SP3: variants seen among roughly 807,000 people sequenced by gnomAD.
SP3 encodes the protein transcription factor Sp3.
In SP3, 10 loss-of-function variants were observed where a neutral mutation model predicts 70.3. The ratio of observed to expected loss-of-function variants is 0.14; its 90% CI spans 0.09 to 0.24. SP3 has a LOEUF of 0.24. Among genes scored for constraint, SP3 ranks in the 10% least tolerant of loss-of-function variants. The pLI, the probability that SP3 is intolerant of heterozygous loss-of-function variation, is 1.00. For synonymous variants in SP3, 402 were observed against 333.5 expected (o/e 1.21, Z -2.24); for missense variants, 825 against 914.6 (o/e 0.90, Z 1.26).
intron 4 of SP3, among the ~76,000 whole-genome samples, chr2:173,953,781 A>AAC (rs1286731691): frequency 0.02 from 1,483 of 73,542 alleles, 25 homozygotes; most frequent in African/African-American, 0.067. Context: ...AAACAAAACA[A>AAC]AACAAAAAAA....
intron 4 of SP3, among the ~76,000 whole-genome samples, chr2:173,927,930 AAAGT>A (rs1359194502): frequency 1.8e-4 from 27 of 152,276 alleles, no homozygotes; most frequent in African/African-American, 6.3e-4. Flanking sequence ...TTCATTATTA[AAAGT>A]AATTTATGGT....
In SP3 at chr2:173,958,177, G is replaced by C. The variant is rs112386918; in HGVS notation, c.280-1945C>G. ...TATTGAACTTTTATCAAAGAATATA[G>C]TAACTCAGACACAAATTAATTTTAT... On this transcript the variant is annotated intron_variant, in intron 3 of 6. Coordinates refer to ENST00000310015, the MANE Select transcript of SP3 (RefSeq NM_003111.5). Among the ~76,000 whole-genome samples, 165 of 151,036 alleles carry C rather than the reference G, an allele frequency of 1.1e-3. 3 individuals are homozygous for C. The highest frequency in any genetic ancestry group is 3.8e-3 in the African/African-American group (157 of 41,142).
intron 4 of SP3, among the ~76,000 whole-genome samples, chr2:173,945,370 A>G (rs533129620): frequency 6.6e-6 from 1 of 152,334 alleles, no homozygotes; most frequent in African/African-American, 2.4e-5. Flanking sequence ...CAAAGTTTCT[A>G]AATTGTTATA....
intron 4 of SP3, among the ~76,000 whole-genome samples, chr2:173,939,569 G>A (rs1268326009): frequency 1.3e-5 from 2 of 152,014 alleles, no homozygotes; most frequent in East Asian, 1.9e-4. Context: ...TTTGATAACA[G>A]CCTGGCCAAC....
At chr2:173,927,002 C>G (rs540866574) in intron 4 of SP3, among the ~76,000 whole-genome samples, 89 of 152,088 alleles carry the variant, frequency 5.9e-4, no homozygotes, top group Non-Finnish European at 7.4e-4. Flanking sequence ...TCTGGGGAGG[C>G]CTCAGGAAAC....
chr2:173,965,095 C>T lies in SP3; in HGVS notation c.7+70G>A, dbSNP rs1691250588. 40 of 1,541,054 alleles carry T rather than the reference C, an allele frequency of 2.6e-5. No individual in the cohort carries two copies. In the South Asian group the frequency reaches 4.5e-4, roughly 18 times the overall value. The stretch of plus-strand genomic sequence containing the variant: ...GGGCCGAGACCGGCGGCAGCGGCCC[C>T]GGGCTGGCTGTGGTCGGCGGCAGCG... On this transcript the variant is annotated intron_variant, in intron 1 of 6. Coordinates refer to ENST00000310015, the MANE Select transcript of SP3 (RefSeq NM_003111.5).
In SP3 at chr2:173,965,288, C is replaced by T. The variant is rs1691259702; in HGVS notation, c.-117G>A. The T allele has an allele frequency of 4.8e-6, 6 of 1,246,698 alleles. No homozygotes were observed. The highest frequency in any genetic ancestry group is 2.7e-5 in the South Asian group (2 of 75,192). The allele number at this position is 1,246,698 out of a possible 1,614,324, so 77.2% of individuals were successfully genotyped here. On this transcript the variant is annotated 5_prime_UTR_variant, in exon 1 of 7. Transcript: ENST00000310015. ...GGCGGCGGACACGGCCGGAGCGGTCCGGGGATTTTTTTTTCCTATTTTGAT... is the reference window on the plus strand; with the variant it reads ...GGCGGCGGACACGGCCGGAGCGGTCTGGGGATTTTTTTTTCCTATTTTGAT...
chr2:173,963,977 C>T, intron 2 of SP3, 94 bp from the exon 3 acceptor site: 1 of 832,906 alleles, frequency 1.2e-6, no homozygotes, highest in Non-Finnish European at 1.7e-6. Flanking sequence ...CGACTCGGTC[C>T]CCGCCGACTG....
At chr2:173,927,524 G>A (rs1029895831) in intron 4 of SP3, among the ~76,000 whole-genome samples, 6 of 151,690 alleles carry the variant, frequency 4.0e-5, no homozygotes, top group East Asian at 1.9e-4. Context: ...GTGATCTGCC[G>A]GCCTCGGTCT....
rs987216068 is a variant in SP3, at chr2:173,938,550, T to C, written c.1639+16323A>G. 6.6e-5 allele frequency among the ~76,000 whole-genome samples: 10 copies of C among 151,066 alleles called. No homozygotes were observed. The South Asian group carries it at 2.1e-3, about 32-fold the overall frequency. On this transcript the variant is annotated intron_variant, in intron 4 of 6. Transcript: ENST00000310015. ...ATCTACGTTTATTCTGTATCTATTA[T>C]TGGCATCTCTTCATTTTATCCATCA...
intron 4 of SP3, among the ~76,000 whole-genome samples, chr2:173,943,648 T>C (rs774967468): frequency 2.6e-5 from 4 of 152,316 alleles, no homozygotes; most frequent in Non-Finnish European, 5.9e-5. Context: ...ATTTTCTTCA[T>C]AACACTAATT....
rs1182093459 is a variant in SP3 at position 173,909,077 on chromosome 2, T to A, written c.*864A>T. The A allele has an allele frequency of 6.6e-6, 1 of 152,542 alleles. No individual in the cohort carries two copies. Among genetic ancestry groups the A allele is most frequent in the East Asian group, 1.9e-4 (1 of 5,200 alleles). 9.4% of individuals were successfully genotyped at this position (152,542 alleles called of 1,614,324 possible). On this transcript the variant is annotated 3_prime_UTR_variant, in exon 7 of 7. Transcript: ENST00000310015. ...GCTTTTAAGGCCCTGGGAGACATGG[T>A]TTTTGGAAACAAGATTGGATAAAAA...
chr2:173,945,054 A>AG, intron 4 of SP3, among the ~76,000 whole-genome samples: 1 of 152,242 alleles, frequency 6.6e-6, no homozygotes, highest in South Asian at 2.1e-4. Flanking sequence ...TAGCTATATC[A>AG]GAACAAGTAA....
intron 1 of SP3, 60 bp downstream of exon 1, chr2:173,965,105 G>A (rs1352606788): frequency 3.5e-5 from 54 of 1,544,184 alleles, no homozygotes; most frequent in Non-Finnish European, 4.5e-5. Flanking sequence ...CGGGCTGGCT[G>A]TGGTCGGCGG....
chr2:173,964,290 T>TGGAGGGGAGG, intron 2 of SP3, 115 bp downstream of exon 2: 1 of 290,790 alleles, frequency 3.4e-6, no homozygotes. Flanking sequence ...GGGAGGGGAG[T>TGGAGGGGAGG]GGAGGGGAGG....
In SP3 at chr2:173,955,268, C is replaced by T. The variant is rs1435416918; in HGVS notation, c.1244G>A (p.Gly415Asp). 1 of 1,614,002 alleles carries T rather than the reference C, an allele frequency of 6.2e-7. No individual in the cohort carries two copies. Among genetic ancestry groups the T allele is most frequent in the Non-Finnish European group, 8.5e-7 (1 of 1,180,014 alleles). The stretch of plus-strand genomic sequence containing the variant: ...ACCATGGATTGTCTGTGGTGTAATA[C>T]CTTGCACAATTTGGGCTTGACTGGT... ...QPTSQAQIVQGITPQTIHGVQ... is the reference protein window; with the variant it reads ...QPTSQAQIVQDITPQTIHGVQ... Residue 415 changes from glycine (G) to aspartate (D), a missense_variant, in exon 4 of 7, where the codon GGT becomes GAT. By Grantham distance (94) the Gly-to-Asp change is moderately conservative. This residue lies in a region of SP3 where 678 missense variants were observed against 651.6 expected (regional missense o/e 1.04). Transcript: ENST00000310015.
chr2:173,911,812 C>CTTTT (rs1559088958), intron 6 of SP3, among the ~76,000 whole-genome samples: 16 of 115,842 alleles, frequency 1.4e-4, no homozygotes, highest in African/African-American at 5.5e-4. Context: ...CTTTTATCTA[C>CTTTT]CTTTTTTTTT....
chr2:173,913,322 T>G, intron 5 of SP3, 56 bp from the exon 6 acceptor site: 11 of 1,207,262 alleles, frequency 9.1e-6, no homozygotes, highest in South Asian at 2.3e-5. Context: ...AAATGGACAT[T>G]ACCATTTACA....
At chr2:173,921,192 AT>A (rs1325007447) in intron 4 of SP3, among the ~76,000 whole-genome samples, 1 of 152,072 alleles carries the variant, frequency 6.6e-6, no homozygotes, top group Non-Finnish European at 1.5e-5. Context: ...GTTAAAGACA[AT>A]TTTTTTGCTT....
Sources: allele counts gnomAD v4.1 joint callset (sites outside exome capture counted in the v4.1 genomes callset), GRCh38; gene constraint gnomAD v4.1.1; regional missense constraint gnomAD v4.1.1; transcripts MANE v1.5; gene names NCBI Gene and HGNC (gene_info 2026-07-23, HGNC 2026-07-21).